NRXN3: variants seen among roughly 807,000 people sequenced by gnomAD.
NRXN3 encodes the protein neurexin III.
In NRXN3, 32 loss-of-function variants were observed where a neutral mutation model predicts 137.6. The ratio of observed to expected loss-of-function variants is 0.23; its 90% CI spans 0.18 to 0.31. The LOEUF (loss-of-function observed/expected upper bound fraction) is 0.31. NRXN3 is among the 10% of genes least tolerant of loss of function. The probability of loss-of-function intolerance (pLI) is 1.00; values close to 1 mark genes in which losing one functional copy is unlikely to be tolerated. For synonymous variants in NRXN3, 798 were observed against 784.5 expected (o/e 1.02, Z -0.29); for missense variants, 1,574 against 2,062.5 (o/e 0.76, Z 4.59).
At chr14:79,756,940 T>G (rs1354579267) in intron 19 of NRXN3, among the ~76,000 whole-genome samples, 1 of 152,170 alleles carries the variant, frequency 6.6e-6, no homozygotes, top group Non-Finnish European at 1.5e-5. Context: ...AGATGTTTTG[T>G]GCCTCTGCTG....
chr14:78,548,163 A>G (rs1279456799), intron 4 of NRXN3, among the ~76,000 whole-genome samples: 1 of 152,210 alleles, frequency 6.6e-6, no homozygotes, highest in African/African-American at 2.4e-5. Context: ...AGGTAAAACT[A>G]TCTCTTTTTG....
At chr14:79,454,105 G>A (rs61993158) in intron 15 of NRXN3, among the ~76,000 whole-genome samples, 168 of 150,628 alleles carry the variant, frequency 1.1e-3, no homozygotes, top group African/African-American at 3.6e-3. Context: ...TTTTTTTTAA[G>A]ACAGAGTCTC....
At chr14:78,710,049 AT>A (rs1471800254) in intron 7 of NRXN3, 1 of 192,868 alleles carries the variant, frequency 5.2e-6, no homozygotes, top group Non-Finnish European at 1.1e-5. Context: ...ATGCTGCATT[AT>A]GTGATTATTT....
chr14:78,866,901 G>A (rs527347256), intron 10 of NRXN3, among the ~76,000 whole-genome samples: 9 of 148,966 alleles, frequency 6.0e-5, no homozygotes, highest in East Asian at 2.0e-4. Flanking sequence ...AGGTTCAAGC[G>A]ATTCTCCTGC....
intron 19 of NRXN3, among the ~76,000 whole-genome samples, chr14:79,729,522 AAAG>A (rs2098913975): frequency 6.6e-6 from 1 of 152,168 alleles, no homozygotes; most frequent in African/African-American, 2.4e-5. Flanking sequence ...TTTCTGAAAG[AAAG>A]AAGGGAAACT....
intron 19 of NRXN3, among the ~76,000 whole-genome samples, chr14:79,724,746 T>C (rs1009532599): frequency 6.6e-6 from 1 of 152,154 alleles, no homozygotes; most frequent in Non-Finnish European, 1.5e-5. Context: ...ACACAGTATA[T>C]GGTACTTTAA....
intron 10 of NRXN3, among the ~76,000 whole-genome samples, chr14:78,881,041 A>T (rs1427792665): frequency 6.6e-6 from 1 of 151,278 alleles, no homozygotes; most frequent in Non-Finnish European, 1.5e-5. Context: ...TGGTTTCATA[A>T]GGGGATTTTC....
chr14:78,374,070 C>T (rs899994151), intron 4 of NRXN3, among the ~76,000 whole-genome samples: 29 of 152,266 alleles, frequency 1.9e-4, no homozygotes, highest in Admixed American at 1.2e-3. Flanking sequence ...AAACTAGGTC[C>T]GTCCTGGGTC....
chr14:79,101,607 A>G (rs1161197833), intron 15 of NRXN3, among the ~76,000 whole-genome samples: 1 of 152,154 alleles, frequency 6.6e-6, no homozygotes, highest in Non-Finnish European at 1.5e-5. Context: ...TGACCACGAG[A>G]CAGCTTCTGC....
intron 1 of NRXN3, among the ~76,000 whole-genome samples, chr14:78,193,252 C>T (rs1362319019): frequency 1.3e-5 from 2 of 152,188 alleles, no homozygotes; most frequent in African/African-American, 4.8e-5. Flanking sequence ...TTTAACCCCT[C>T]ATTCTGGAAA....
intron 15 of NRXN3, among the ~76,000 whole-genome samples, chr14:79,450,803 T>C (rs1225270282): frequency 6.6e-6 from 1 of 151,936 alleles, no homozygotes; most frequent in Non-Finnish European, 1.5e-5. Context: ...GAGACAGAGG[T>C]TGCAGTGGGC....
At chr14:78,501,978 CCTATAACAGAA>C (rs1195585432) in intron 4 of NRXN3, among the ~76,000 whole-genome samples, 2 of 152,132 alleles carry the variant, frequency 1.3e-5, no homozygotes, top group Non-Finnish European at 1.5e-5. Flanking sequence ...CCCTGGATCT[CCTATAACAGAA>C]CTATAACAGA....
At chr14:78,682,209 G>A (rs1421652153) in intron 6 of NRXN3, among the ~76,000 whole-genome samples, 2 of 151,968 alleles carry the variant, frequency 1.3e-5, no homozygotes, top group African/African-American at 4.8e-5. Context: ...TGAAAATTGG[G>A]CTGGATTTGC....
intron 15 of NRXN3, among the ~76,000 whole-genome samples, chr14:79,096,365 C>T (rs1335226429): frequency 6.6e-6 from 1 of 152,080 alleles, no homozygotes; most frequent in Non-Finnish European, 1.5e-5. Context: ...TCACCTTGGC[C>T]TCCCAAAGTG....
intron 9 of NRXN3, among the ~76,000 whole-genome samples, chr14:78,804,130 C>A (rs2098847789): frequency 6.6e-6 from 1 of 152,144 alleles, no homozygotes; most frequent in South Asian, 2.1e-4. Flanking sequence ...TTTGGTCCAT[C>A]TTTTGATCAA....
chr14:78,174,279 A>G (rs1395173510), intron 1 of NRXN3, among the ~76,000 whole-genome samples: 2 of 152,144 alleles, frequency 1.3e-5, no homozygotes, highest in Non-Finnish European at 1.5e-5. Flanking sequence ...CCTGGACAGT[A>G]GAGCCACAGC....
chr14:78,739,911 C>A (rs1457660585), intron 8 of NRXN3, among the ~76,000 whole-genome samples: 1 of 152,134 alleles, frequency 6.6e-6, no homozygotes, highest in Non-Finnish European at 1.5e-5. Flanking sequence ...TCTAACCCTA[C>A]CTTAACAAAC....
chr14:79,554,707 A>G (rs2097411135), intron 16 of NRXN3, among the ~76,000 whole-genome samples: 1 of 152,112 alleles, frequency 6.6e-6, no homozygotes, highest in South Asian at 2.1e-4. Flanking sequence ...AGCCCCCAAC[A>G]TGAGATTGCC....
intron 15 of NRXN3, among the ~76,000 whole-genome samples, chr14:79,093,328 C>T (rs563803052): frequency 2.6e-5 from 4 of 152,188 alleles, no homozygotes; most frequent in South Asian, 2.1e-4. Context: ...ACCCAGAAAA[C>T]GTAAGTAAGG....
Sources: gnomAD v4.1 joint callset for allele counts (sites outside exome capture counted in the v4.1 genomes callset) on GRCh38, gnomAD v4.1.1 for gene constraint, MANE v1.5 for transcripts, NCBI Gene and HGNC (gene_info 2026-07-23, HGNC 2026-07-21) for gene names.